The following ESR1 variants were observed in gnomAD, a reference collection of about 807,000 sequenced individuals.
ESR1 encodes the protein estrogen receptor 1.
In ESR1, 12 loss-of-function variants were observed where a neutral mutation model predicts 52.7. The observed-to-expected ratio is 0.23, with a 90% CI of 0.15 to 0.37. The LOEUF is 0.37. ESR1 is among the 10% of genes least tolerant of loss of function. The pLI is 1.00. For missense variants in ESR1, 584 were observed against 779.7 expected (o/e 0.75, Z 2.99); for synonymous variants, 305 against 316.8 (o/e 0.96, Z 0.39).
At chr6:152,039,619 G>T (rs894392463) in intron 5 of ESR1, among the ~76,000 whole-genome samples, 1 of 152,144 alleles carries the variant, frequency 6.6e-6, no homozygotes, top group African/African-American at 2.4e-5. Context: ...GGGTGATGGT[G>T]AGTGGTGCCA....
chr6:152,022,813 A>AGT (rs1435409446), intron 5 of ESR1, among the ~76,000 whole-genome samples: 3 of 111,884 alleles, frequency 2.7e-5, no homozygotes, highest in African/African-American at 4.9e-5. Flanking sequence ...CTCTACTAAA[A>AGT]ATAAAAATTA....
intron 2 of ESR1, among the ~76,000 whole-genome samples, chr6:151,875,325 C>A (rs1229722463): frequency 6.6e-6 from 1 of 152,164 alleles, no homozygotes; most frequent in Non-Finnish European, 1.5e-5. Context: ...GTTCAGGGTC[C>A]TCACCTTCCC....
intron 3 of ESR1, among the ~76,000 whole-genome samples, chr6:151,925,900 TTC>T (rs1438547553): frequency 6.6e-6 from 1 of 152,156 alleles, no homozygotes; most frequent in Non-Finnish European, 1.5e-5. Flanking sequence ...ATAGAATTTT[TTC>T]TGTTTTCTTC....
chr6:151,711,580 G>A lies in ESR1; in HGVS notation c.-71+9575G>A, dbSNP rs1335818468. 2.0e-5 allele frequency among the ~76,000 whole-genome samples: 3 copies of A among 152,074 alleles called. No individual in the cohort carries two copies. The East Asian group carries it at 5.8e-4, about 29-fold the overall frequency. ...TGGTGTGAGATGGTATCTCATTGTG[G>A]TTTTGATTTGCATTTCTCTAATGAC... is the stretch of plus-strand genomic sequence containing the variant. On this transcript the variant is annotated intron_variant, in intron 2 of 2. Coordinates refer to the ESR1 transcript ENST00000404742.
At chr6:151,710,726 C>T (rs1780540863) in intron 2 of ESR1, among the ~76,000 whole-genome samples, 1 of 152,072 alleles carries the variant, frequency 6.6e-6, no homozygotes, top group Non-Finnish European at 1.5e-5. Context: ...TCCCCTAGCC[C>T]CCCACCCTCT....
chr6:152,045,999 A>G (rs1302838550), intron 5 of ESR1, among the ~76,000 whole-genome samples: 1 of 152,220 alleles, frequency 6.6e-6, no homozygotes, highest in African/African-American at 2.4e-5. Context: ...GATCTAGGCC[A>G]GCACTTTGCA....
intron 4 of ESR1, among the ~76,000 whole-genome samples, chr6:151,986,844 C>T (rs571732341): frequency 2.8e-4 from 42 of 152,194 alleles, no homozygotes; most frequent in African/African-American, 1.0e-3. Flanking sequence ...CTCCCTTCTC[C>T]TTTCCTCTTT....
chr6:152,022,145 A>G (rs1175985816), intron 5 of ESR1, among the ~76,000 whole-genome samples: 4 of 152,194 alleles, frequency 2.6e-5, no homozygotes, highest in Non-Finnish European at 5.9e-5. Flanking sequence ...GACAAGCATC[A>G]CTACTGTGTG....
At chr6:151,993,327 G>T (rs544893972) in intron 4 of ESR1, among the ~76,000 whole-genome samples, 266 of 152,290 alleles carry the variant, frequency 1.7e-3, no homozygotes, top group Non-Finnish European at 2.7e-3. Context: ...CAACGCCTTT[G>T]CATTACAGCC....
chr6:151,893,629 T>C lies in ESR1; in HGVS notation c.760+12858T>C, dbSNP rs564634155. Among the ~76,000 whole-genome samples the C allele has an allele frequency of 1.6e-4, 24 of 152,280 alleles. No homozygotes were observed. In the South Asian group the frequency reaches 4.6e-3, roughly 29 times the overall value. ...AGTATTTCAATACAGAATCAACATT[T>C]AAAAATTATTGATACATTATGTATG... On this transcript the variant is annotated intron_variant, in intron 3 of 7. Coordinates refer to ENST00000206249, the MANE Select transcript of ESR1 (RefSeq NM_000125.4).
downstream of ESR1, among the ~76,000 whole-genome samples, chr6:152,106,162 GA>G (rs566206321): frequency 7.1e-3 from 1,084 of 152,258 alleles, 7 homozygotes; most frequent in Non-Finnish European, 0.011. Context: ...GACATAAAAT[GA>G]AAATATTTGC....
chr6:151,710,459 C>T (rs1020095593), intron 2 of ESR1, among the ~76,000 whole-genome samples: 11 of 152,142 alleles, frequency 7.2e-5, no homozygotes, highest in East Asian at 1.9e-4. Context: ...ACATCAGCAA[C>T]GTAGCTCCAA....
intron 2 of ESR1, among the ~76,000 whole-genome samples, chr6:151,850,476 G>A (rs940994290): frequency 6.6e-6 from 1 of 151,374 alleles, no homozygotes; most frequent in Non-Finnish European, 1.5e-5. Flanking sequence ...AAAGAGAGGA[G>A]ACAGAAGAGA....
chr6:151,789,684 C>T (rs1178626448), intron 2 of ESR1, among the ~76,000 whole-genome samples: 3 of 152,176 alleles, frequency 2.0e-5, no homozygotes, highest in Non-Finnish European at 2.9e-5. Context: ...AAGTCATAAA[C>T]GGCCACTAGT....
Position 152,098,827 on chromosome 6 carries a change from A to C in ESR1, c.1649A>C (p.His550Pro). The C allele has an allele frequency of 6.2e-7, 1 of 1,614,212 alleles. No individual in the cohort carries two copies. Among genetic ancestry groups the C allele is most frequent in the Non-Finnish European group, 8.5e-7 (1 of 1,180,034 alleles). The part of the protein sequence containing the change: ...LLEMLDAHRL[H>P]APTSRGGASV... Reference sequence around the variant, plus strand: ...GAGATGCTGGACGCCCACCGCCTACATGCGCCCACTAGCCGTGGAGGGGCA... The same window carrying C: ...GAGATGCTGGACGCCCACCGCCTACCTGCGCCCACTAGCCGTGGAGGGGCA... Residue 550 changes from histidine (H) to proline (P), a missense_variant, in exon 8 of 8, where the codon CAT (histidine) becomes CCT (proline). Transcript: ENST00000206249. This position sits in a 1 kb window ranked among gnomAD's most constrained non-coding sequence, Gnocchi z 5.1.
intron 6 of ESR1, among the ~76,000 whole-genome samples, chr6:152,066,441 G>T (rs1030868813): frequency 2.6e-5 from 4 of 152,162 alleles, no homozygotes; most frequent in Non-Finnish European, 5.9e-5. Context: ...ACAGTTGAAG[G>T]TTTCTGACAG....
At chr6:151,879,312 C>T (rs534016297) in intron 2 of ESR1, among the ~76,000 whole-genome samples, 38 of 152,204 alleles carry the variant, frequency 2.5e-4, no homozygotes, top group African/African-American at 7.7e-4. Context: ...AATTTGGCAA[C>T]GCGATTCATT....
At chr6:151,938,450 G>C (rs939954734) in intron 3 of ESR1, among the ~76,000 whole-genome samples, 1 of 152,174 alleles carries the variant, frequency 6.6e-6, no homozygotes, top group Non-Finnish European at 1.5e-5. Flanking sequence ...TTAGGCATTT[G>C]ACTCATTAGG....
Position 151,883,465 on chromosome 6 carries a change from T to C in ESR1, c.760+2694T>C, listed in dbSNP as rs113799612. The stretch of plus-strand genomic sequence containing the variant: ...CTTCTAGGCTTGTGGCTAGCCGTCT[T>C]CTGCCTGTGTCCTCACATGGCCTTT... On this transcript the variant is annotated intron_variant, in intron 3 of 7. Coordinates refer to ENST00000206249, the MANE Select transcript of ESR1 (RefSeq NM_000125.4). Among the ~76,000 whole-genome samples the C allele has an allele frequency of 3.6e-3, 552 of 152,050 alleles. 5 individuals carry two copies. The highest frequency in any genetic ancestry group is 0.012 in the African/African-American group (496 of 41,506).
Sources: allele counts gnomAD v4.1 joint callset (sites outside exome capture counted in the v4.1 genomes callset), GRCh38; gene constraint gnomAD v4.1.1; non-coding constraint Gnocchi (gnomAD v3.1); transcripts MANE v1.5; gene names NCBI Gene and HGNC (gene_info 2026-07-23, HGNC 2026-07-21).